Variants in CNTN4 observed in about 807,000 individuals in gnomAD.
CNTN4 encodes contactin-4.
CNTN4 carries 77 observed loss-of-function variants against 122.5 expected under a neutral mutation model. The observed-to-expected ratio is 0.63, with a 90% CI of 0.52 to 0.76. The LOEUF (loss-of-function observed/expected upper bound fraction) is 0.76. Ranked by LOEUF, CNTN4 falls within the 30% of genes least tolerant of loss-of-function variation. CNTN4 has a pLI of 0.00. For synonymous variants in CNTN4, 512 were observed against 447.0 expected, an observed-to-expected ratio of 1.15 and a Z score of -1.83; for missense variants, 1,256 against 1,259.1, an observed-to-expected ratio of 1.00 and a Z score of 0.04.
At chr3:2,205,730 C>A (rs2038312293) in intron 2 of CNTN4, among the ~76,000 whole-genome samples, 1 of 151,856 alleles carries the variant, frequency 6.6e-6, no homozygotes, top group Non-Finnish European at 1.5e-5. Flanking sequence ...TACTAGAAAC[C>A]CAGAACGAAG....
intron 3 of CNTN4, among the ~76,000 whole-genome samples, chr3:2,425,254 G>A (rs2047778434): frequency 6.6e-6 from 1 of 152,124 alleles, no homozygotes; most frequent in African/African-American, 2.4e-5. Flanking sequence ...TGTATAAGGT[G>A]TAAGGAAGGG....
At chr3:2,812,262 CT>C (rs1383508726) in intron 6 of CNTN4, among the ~76,000 whole-genome samples, 1 of 152,096 alleles carries the variant, frequency 6.6e-6, no homozygotes, top group African/African-American at 2.4e-5. Flanking sequence ...ACATGTACCC[CT>C]AAACTTAAAA....
At chr3:2,167,070 A>T (rs2036227671) in intron 2 of CNTN4, among the ~76,000 whole-genome samples, 2 of 152,190 alleles carry the variant, frequency 1.3e-5, no homozygotes, top group African/African-American at 2.4e-5. Flanking sequence ...ATAAAAATAA[A>T]TTTAAAAATA....
intron 7 of CNTN4, among the ~76,000 whole-genome samples, chr3:2,850,983 C>T (rs1201399886): frequency 6.6e-6 from 1 of 152,146 alleles, no homozygotes; most frequent in Admixed American, 6.5e-5. Context: ...GGAAGATAAG[C>T]TGTATCAATT....
rs889056693 is a variant in CNTN4, at chr3:2,638,833, T to G, written c.55+67275T>G. Among the ~76,000 whole-genome samples, 5 of 152,310 alleles carry G rather than the reference T, an allele frequency of 3.3e-5. No individual in the cohort carries two copies. In the East Asian group the frequency reaches 5.8e-4, roughly 18 times the overall value. ...AAAACCTTAAATTCTTTTAAATTTG[T>G]TTGCTTTCTCTCATGTCCCTCAGCC... On this transcript the variant is annotated intron_variant, in intron 4 of 24. Coordinates refer to ENST00000418658, the MANE Select transcript of CNTN4 (RefSeq NM_175607.3).
At chr3:3,001,409 A>G (rs1696032168) in intron 14 of CNTN4, among the ~76,000 whole-genome samples, 1 of 152,250 alleles carries the variant, frequency 6.6e-6, no homozygotes, top group Admixed American at 6.5e-5. Flanking sequence ...AGGAAAAAAG[A>G]GGACAGGCAT....
At chr3:2,353,712 C>T (rs760661524) in intron 3 of CNTN4, among the ~76,000 whole-genome samples, 14 of 152,114 alleles carry the variant, frequency 9.2e-5, no homozygotes, top group Admixed American at 2.0e-4. Flanking sequence ...CCCACCAATT[C>T]TGGACACACC....
intron 4 of CNTN4, among the ~76,000 whole-genome samples, chr3:2,620,452 A>G (rs1459013406): frequency 6.6e-6 from 1 of 152,142 alleles, no homozygotes; most frequent in African/African-American, 2.4e-5. Flanking sequence ...GTCAGCCATG[A>G]TCGTGCCACT....
intron 6 of CNTN4, among the ~76,000 whole-genome samples, chr3:2,784,523 A>T (rs2091735441): frequency 6.6e-6 from 1 of 152,208 alleles, no homozygotes; most frequent in African/African-American, 2.4e-5. Context: ...TTCAAAGTTA[A>T]ACCATACTCT....
At chr3:2,736,805 T>C (rs1056112343) in intron 5 of CNTN4, among the ~76,000 whole-genome samples, 5 of 150,932 alleles carry the variant, frequency 3.3e-5, no homozygotes, top group African/African-American at 9.8e-5. Flanking sequence ...TTTATTTATT[T>C]ATTTAGAGAC....
chr3:2,535,876 T>C (rs2077785371), intron 3 of CNTN4, among the ~76,000 whole-genome samples: 1 of 152,130 alleles, frequency 6.6e-6, no homozygotes, highest in African/African-American at 2.4e-5. Flanking sequence ...GAGATGTCTC[T>C]GTGAAAGGGC....
intron 4 of CNTN4, among the ~76,000 whole-genome samples, chr3:2,678,680 G>A (rs1436118559): frequency 6.6e-6 from 1 of 152,144 alleles, no homozygotes; most frequent in African/African-American, 2.4e-5. Flanking sequence ...TGCATGGTTG[G>A]TTTATCAGAA....
chr3:2,370,433 A>G (rs1319839194), intron 3 of CNTN4, among the ~76,000 whole-genome samples: 1 of 152,216 alleles, frequency 6.6e-6, no homozygotes, highest in Non-Finnish European at 1.5e-5. Context: ...CCAGAGTACC[A>G]TAGTCAAGTA....
In CNTN4 at chr3:2,122,690, C is replaced by G. The variant is rs566352260; in HGVS notation, c.-145+22051C>G. ...CTTTTATAATTATTTCCAGATTGCCCTGCAAAGAAATTATCATAATTTACA... is the reference window on the plus strand; with the variant it reads ...CTTTTATAATTATTTCCAGATTGCCGTGCAAAGAAATTATCATAATTTACA... On this transcript the variant is annotated intron_variant, in intron 2 of 24. Coordinates refer to ENST00000418658, the MANE Select transcript of CNTN4 (RefSeq NM_175607.3). 3.1e-3 allele frequency among the ~76,000 whole-genome samples: 471 copies of G among 152,194 alleles called. 2 individuals carry two copies. The highest frequency in any genetic ancestry group is 0.011 in the African/African-American group (453 of 41,528).
chr3:2,940,710 T>C (rs924267910), intron 13 of CNTN4, among the ~76,000 whole-genome samples: 1 of 148,396 alleles, frequency 6.7e-6, no homozygotes, highest in Non-Finnish European at 1.5e-5. Flanking sequence ...GAAGAGAAGA[T>C]GAGTAAAGTC....
chr3:2,628,219 G>C (rs1284873934), intron 4 of CNTN4, among the ~76,000 whole-genome samples: 5 of 152,154 alleles, frequency 3.3e-5, no homozygotes, highest in African/African-American at 1.2e-4. Context: ...CCTTTTAGCA[G>C]AAGTTATTTT....
At chr3:2,609,867 G>A (rs1241568838) in intron 4 of CNTN4, among the ~76,000 whole-genome samples, 5 of 151,968 alleles carry the variant, frequency 3.3e-5, no homozygotes, top group Admixed American at 6.6e-5. Flanking sequence ...TTTATATGTA[G>A]CACTTGGTTT....
At chr3:2,397,813 A>C (rs199555575) in intron 3 of CNTN4, among the ~76,000 whole-genome samples, 29 of 152,314 alleles carry the variant, frequency 1.9e-4, no homozygotes, top group African/African-American at 6.5e-4. Flanking sequence ...GCAAACTTTC[A>C]TATTATTCAT....
intron 3 of CNTN4, among the ~76,000 whole-genome samples, chr3:2,435,196 C>T (rs1335131720): frequency 3.3e-5 from 5 of 152,098 alleles, no homozygotes; most frequent in African/African-American, 9.7e-5. Context: ...TTCTAAAAAA[C>T]TTAAATATAA....
Sources: gnomAD v4.1 joint callset for allele counts (sites outside exome capture counted in the v4.1 genomes callset) on GRCh38, gnomAD v4.1.1 for gene constraint, MANE v1.5 for transcripts, NCBI Gene and HGNC (gene_info 2026-07-23, HGNC 2026-07-21) for gene names.